The following MIA2 variants were observed in gnomAD, a reference collection of about 807,000 sequenced individuals.
The protein encoded by MIA2 is melanoma inhibitory activity protein 2.
In MIA2, 127 loss-of-function variants were observed where a neutral mutation model predicts 167.8. The observed-to-expected ratio is 0.76, with a 90% confidence interval of 0.66 to 0.88. The LOEUF (loss-of-function observed/expected upper bound fraction) is 0.88. Ranked by LOEUF, MIA2 falls within the 40% of genes least tolerant of loss-of-function variation. The pLI, the probability that MIA2 is intolerant of heterozygous loss-of-function variation, is 0.00. For synonymous variants in MIA2, 552 were observed against 541.9 expected (o/e 1.02, Z -0.26); for missense variants, 1,690 against 1,624.7 (o/e 1.04, Z -0.69).
chr14:39,243,892 G>A (rs1429471100), intron 3 of MIA2, among the ~76,000 whole-genome samples: 3 of 152,040 alleles, frequency 2.0e-5, no homozygotes, highest in East Asian at 1.9e-4. Flanking sequence ...AAAGAATGAA[G>A]ACCCGAAGAT....
chr14:39,258,459 T>C (rs575712790), intron 6 of MIA2, among the ~76,000 whole-genome samples: 152 of 152,332 alleles, frequency 1.0e-3, no homozygotes, highest in African/African-American at 3.4e-3. Flanking sequence ...CTCTCTAAAA[T>C]AGTTATTTTA....
intron 6 of MIA2, among the ~76,000 whole-genome samples, chr14:39,271,693 A>G (rs900476023): frequency 1.3e-5 from 2 of 149,876 alleles, no homozygotes; most frequent in African/African-American, 2.5e-5. Flanking sequence ...ACTTTGGGAG[A>G]CCAAGGTGAG....
At chr14:39,377,722 G>A (rs2075071093) in intron 23 of MIA2, among the ~76,000 whole-genome samples, 2 of 151,324 alleles carry the variant, frequency 1.3e-5, no homozygotes, top group South Asian at 2.1e-4. Flanking sequence ...TTTGCATAAA[G>A]TACAGCAAGA....
intron 2 of MIA2, among the ~76,000 whole-genome samples, chr14:39,238,811 A>AAAAAAAAAAAAAAAAAAAAAAAC: frequency 1.2e-3 from 129 of 103,590 alleles, no homozygotes; most frequent in African/African-American, 2.5e-3. Context: ...AAAAAAAAAA[A>AAAAAAAAAAAAAAAAAAAAAAAC]CCCAAAAAAC....
chr14:39,290,320 A>G (rs976561292), intron 9 of MIA2, among the ~76,000 whole-genome samples: 7 of 151,618 alleles, frequency 4.6e-5, no homozygotes, highest in Non-Finnish European at 1.0e-4. Flanking sequence ...GCTTTCAGAC[A>G]GATATATATT....
At chr14:39,376,986 T>C (rs1202800340) in intron 23 of MIA2, among the ~76,000 whole-genome samples, 1 of 152,222 alleles carries the variant, frequency 6.6e-6, no homozygotes, top group East Asian at 1.9e-4. Context: ...AGCTTAAATT[T>C]TTCCATTTGG....
At chr14:39,277,543 G>T (rs1292297481) in intron 7 of MIA2, among the ~76,000 whole-genome samples, 1 of 149,378 alleles carries the variant, frequency 6.7e-6, no homozygotes, top group Non-Finnish European at 1.5e-5. Flanking sequence ...AAGAGATGAG[G>T]GTCTTGTGTT....
chr14:39,344,147 G>C (rs1017712295), intron 25 of MIA2, among the ~76,000 whole-genome samples: 2 of 152,174 alleles, frequency 1.3e-5, no homozygotes, highest in Admixed American at 6.5e-5. Context: ...TTTGCCAGTG[G>C]AGGGCAACAT....
intron 23 of MIA2, chr14:39,370,882 A>T (rs903310377): frequency 6.6e-6 from 1 of 152,400 alleles, no homozygotes; most frequent in Non-Finnish European, 1.5e-5. Flanking sequence ...CTTGAAGAAA[A>T]GTTGGAAAAC....
rs530245022 is a variant in MIA2 at position 39,266,637 on chromosome 14, G to C, written c.1888-10297G>C. The C allele has an allele frequency of 1.5e-5, 15 of 985,596 alleles. No individual in the cohort carries two copies. In the African/African-American group the frequency reaches 2.4e-4, roughly 16 times the overall value. 61.1% of individuals were successfully genotyped at this position (985,596 alleles called of 1,614,324 possible). The stretch of plus-strand genomic sequence containing the variant: ...TGTCTAAAGTCCAAAGTCCGGACGT[G>C]GTTGGCAGGGCGCACCGGCGCGTGC... On this transcript the variant is annotated intron_variant, in intron 6 of 28. Transcript: ENST00000640607.
intron 28 of MIA2, among the ~76,000 whole-genome samples, 161 bp from the exon 29 acceptor site, chr14:39,349,937 T>TAAAAA (rs2074175623): frequency 1.3e-5 from 2 of 152,208 alleles, no homozygotes; most frequent in Admixed American, 6.5e-5. Context: ...AAGAGGTACG[T>TAAAAA]TTTTCTCAAT....
intron 9 of MIA2, among the ~76,000 whole-genome samples, chr14:39,285,420 G>A (rs866336936): frequency 0.015 from 2,178 of 142,982 alleles, 293 homozygotes; most frequent in African/African-American, 0.055. Flanking sequence ...CTGGCCGGGC[G>A]GGGGCTGACC....
Position 39,240,630 on chromosome 14 carries a change from A to G in MIA2, c.319A>G (p.Ile107Val). 6.2e-7 allele frequency: 1 copy of G among 1,610,974 alleles called. No individual in the cohort carries two copies. The highest frequency in any genetic ancestry group is 8.5e-7 in the Non-Finnish European group (1 of 1,177,610). The change falls in exon 3 of 29, where the codon ATT (isoleucine) becomes GTT (valine). Residue 107 changes from isoleucine to valine, a missense_variant. By Grantham distance (29) the Ile-to-Val change is conservative. Coordinates refer to ENST00000640607, the MANE Select transcript of MIA2 (RefSeq NM_001329214.4). ...QIEEVFISEE[I>V]QMSTKESDFL... ...TGAAGAGGTGTTCATATCTGAGGAA[A>G]TTCAGATGTCAACGAAAGTGAGTAA...
chr14:39,319,783 G>A (rs910215148), intron 23 of MIA2, among the ~76,000 whole-genome samples: 5 of 152,056 alleles, frequency 3.3e-5, no homozygotes, highest in African/African-American at 9.7e-5. Context: ...TTACCCTCAA[G>A]GGAGGACCAA....
intron 9 of MIA2, among the ~76,000 whole-genome samples, chr14:39,282,508 A>C (rs759264792): frequency 5.3e-5 from 8 of 152,146 alleles, no homozygotes; most frequent in Non-Finnish European, 8.8e-5. Context: ...TCATGAATGC[A>C]GTACACTATT....
At position 39,381,828 on chromosome 14, in the gene MIA2, C is replaced by A. The variant is rs540996392; in HGVS notation, c.2249-5057C>A. Among the ~76,000 whole-genome samples the A allele has an allele frequency of 4.2e-4, 63 of 150,952 alleles. 1 individual carries two copies. Among genetic ancestry groups the A allele is most frequent in the African/African-American group, 1.4e-3 (57 of 40,868 alleles). ...GACTGAAAAAACAAAAACAAAAAAACCAGAAACAAATCAACAACAACAACA... is the reference window on the plus strand; with the variant it reads ...GACTGAAAAAACAAAAACAAAAAAAACAGAAACAAATCAACAACAACAACA... On this transcript the variant is annotated intron_variant, in intron 23 of 23. Coordinates refer to the MIA2 transcript ENST00000341502.
chr14:39,302,804 C>CT (rs1311503790), intron 15 of MIA2, among the ~76,000 whole-genome samples: 2 of 151,998 alleles, frequency 1.3e-5, no homozygotes, highest in Non-Finnish European at 2.9e-5. Flanking sequence ...TAAAAAAAAC[C>CT]TTTTTATTTT....
At chr14:39,235,733 A>G (rs1212263865) in intron 1 of MIA2, among the ~76,000 whole-genome samples, 1 of 152,082 alleles carries the variant, frequency 6.6e-6, no homozygotes, top group Admixed American at 6.6e-5. Context: ...AGCTATCATT[A>G]TGCCACTGCA....
chr14:39,354,251 A>G (rs377729813), downstream of MIA2, among the ~76,000 whole-genome samples: 3 of 152,064 alleles, frequency 2.0e-5, no homozygotes, highest in South Asian at 2.1e-4. Context: ...TTTAATGATC[A>G]CCATTCTAAC....
Sources: gnomAD v4.1 joint callset for allele counts (sites outside exome capture counted in the v4.1 genomes callset) on GRCh38, gnomAD v4.1.1 for gene constraint, MANE v1.5 for transcripts, NCBI Gene and HGNC (gene_info 2026-07-23, HGNC 2026-07-21) for gene names.